MECR: variants seen among roughly 807,000 people sequenced by gnomAD.
MECR encodes enoyl-[acyl-carrier-protein] reductase, mitochondrial.
MECR carries 37 observed loss-of-function variants against 49.1 expected under a neutral mutation model. The ratio of observed to expected loss-of-function variants is 0.75; its 90% CI spans 0.58 to 0.99. The LOEUF (loss-of-function observed/expected upper bound fraction) is 0.99. Ranked by LOEUF, MECR falls within the 50% of genes least tolerant of loss-of-function variation. The probability of loss-of-function intolerance (pLI) is 0.00; values close to 1 mark genes in which losing one functional copy is unlikely to be tolerated. For missense variants in MECR, 470 were observed against 479.6 expected (o/e 0.98, Z 0.19); for synonymous variants, 198 against 191.1 (o/e 1.04, Z -0.30).
chr1:29,196,189 C>G lies in MECR; in HGVS notation c.891+9G>C. 1 of 1,614,152 alleles carries G rather than the reference C, an allele frequency of 6.2e-7. No individual in the cohort carries two copies. Among genetic ancestry groups the G allele is most frequent in the Non-Finnish European group, 8.5e-7 (1 of 1,180,000 alleles). On this transcript the variant is annotated intron_variant, in intron 8 of 9. Coordinates refer to ENST00000263702, the MANE Select transcript of MECR (RefSeq NM_016011.5). ...GCTCCAGGCATGCCTCCCTCTGCAC[C>G]CAGCTTACCACAGAGGCTACGACGG...
chr1:29,200,377 T>C, intron 7 of MECR, 139 bp downstream of exon 7: 1 of 697,326 alleles, frequency 1.4e-6, no homozygotes, highest in Non-Finnish European at 2.3e-6. Flanking sequence ...CTGGATGACT[T>C]TGGTCCTAGT....
chr1:29,194,388 T>C lies in MECR; in HGVS notation c.965-209A>G, dbSNP rs565470681. Among the ~76,000 whole-genome samples, 7 of 152,054 alleles carry C rather than the reference T, an allele frequency of 4.6e-5. No individual in the cohort carries two copies. The South Asian group carries it at 1.2e-3, about 27-fold the overall frequency. On this transcript the variant is annotated intron_variant, in intron 9 of 9. Transcript: ENST00000263702. ...AGGTCAAGGTGGGGAGAGGGGAACA[T>C]AGGAGCGGCTCTAGGGGCTGAGGGG...
At chr1:29,189,212 C>G (rs1246789917), downstream of MECR, among the ~76,000 whole-genome samples, 1 of 144,516 alleles carries the variant, frequency 6.9e-6, no homozygotes, top group Non-Finnish European at 1.5e-5. Flanking sequence ...GCTGGGATTA[C>G]AGGTGTGAGC....
rs778789649 is a variant in MECR, at chr1:29,216,166, C to A, written c.275-30G>T. On this transcript the variant is annotated intron_variant, in intron 2 of 9. Transcript: ENST00000263702. ...GGGAGAAGAGCATTAAAGGGTCAAC[C>A]AGTGATGTTTGGGCAGTGAAAGAGC... is the stretch of plus-strand genomic sequence containing the variant. The A allele has an allele frequency of 2.5e-6, 4 of 1,612,118 alleles. No individual in the cohort carries two copies. In the African/African-American group the frequency reaches 4.0e-5, roughly 16 times the overall value.
intron 7 of MECR, among the ~76,000 whole-genome samples, chr1:29,197,555 A>T (rs1674303635): frequency 6.6e-6 from 1 of 152,120 alleles, no homozygotes; most frequent in Admixed American, 6.6e-5. Context: ...CTCTTCTAGG[A>T]GTCTGTTGAT....
chr1:29,185,250 A>G, the MECR span, among the ~76,000 whole-genome samples: 7 of 152,058 alleles, frequency 4.6e-5, no homozygotes, highest in Non-Finnish European at 1.0e-4. Context: ...TTTAAATTTA[A>G]TTCAATTTTA....
intron 1 of MECR, among the ~76,000 whole-genome samples, chr1:29,227,124 C>A (rs940015060): frequency 6.6e-6 from 1 of 151,658 alleles, no homozygotes; most frequent in Non-Finnish European, 1.5e-5. Context: ...CCACTGTGCC[C>A]GACTAATTTT....
chr1:29,196,133 G>A (rs1243295423), intron 8 of MECR, 65 bp downstream of exon 8: 1 of 1,603,570 alleles, frequency 6.2e-7, no homozygotes, highest in Non-Finnish European at 8.5e-7. Context: ...GTCGTGCCAG[G>A]GGATGTGGCC....
At chr1:29,194,287 C>G in intron 9 of MECR, 108 bp from the exon 10 acceptor site, 1 of 1,231,248 alleles carries the variant, frequency 8.1e-7, no homozygotes, top group Non-Finnish European at 1.1e-6. Flanking sequence ...TCCAATAAAG[C>G]CTTGAGAGTC....
At chr1:29,192,165 A>G (rs1208246281), downstream of MECR, among the ~76,000 whole-genome samples, 2 of 151,742 alleles carry the variant, frequency 1.3e-5, no homozygotes, top group Non-Finnish European at 2.9e-5. Context: ...GTGCCTCCCT[A>G]GGGCTTCAGG....
At chr1:29,183,049 T>C in the MECR span, among the ~76,000 whole-genome samples, 2 of 152,194 alleles carry the variant, frequency 1.3e-5, no homozygotes, top group African/African-American at 2.4e-5. Flanking sequence ...TTGTTTTTGT[T>C]TTTTGAATAT....
the MECR span, chr1:29,170,499 T>C: frequency 6.6e-6 from 1 of 152,192 alleles, no homozygotes; most frequent in Non-Finnish European, 1.5e-5. Context: ...TCATCTTGGC[T>C]GTATGAGGCA....
At chr1:29,173,100 C>G in the MECR span, 2 of 150,116 alleles carry the variant, frequency 1.3e-5, no homozygotes, top group South Asian at 4.2e-4. Flanking sequence ...TACAATTAAC[C>G]TACATTTATT....
chr1:29,228,772 C>T (rs1682750160), intron 1 of MECR: 1 of 152,158 alleles, frequency 6.6e-6, no homozygotes, highest in Non-Finnish European at 1.5e-5. Context: ...GAGGCAACTG[C>T]ATTCAGCTGA....
At chr1:29,196,292 A>C (rs771839537) in intron 7 of MECR, 34 bp from the exon 8 acceptor site, 15 of 1,587,170 alleles carry the variant, frequency 9.5e-6, no homozygotes, top group Non-Finnish European at 1.1e-5. Flanking sequence ...GAGTGGATGC[A>C]AGGCAGAGAC....
chr1:29,182,034 G>C, the MECR span: 1 of 304,018 alleles, frequency 3.3e-6, no homozygotes, highest in Non-Finnish European at 5.9e-6. Context: ...ACGTGCGGCG[G>C]GGCAAGGTGA....
chr1:29,195,095 AAC>A (rs778045062), intron 9 of MECR, among the ~76,000 whole-genome samples: 3 of 152,138 alleles, frequency 2.0e-5, no homozygotes, highest in East Asian at 1.9e-4. Context: ...CAGCCAGGGC[AAC>A]AGAGCGATAC....
the MECR span, among the ~76,000 whole-genome samples, chr1:29,179,935 C>CA: frequency 1.3e-5 from 2 of 152,216 alleles, no homozygotes; most frequent in African/African-American, 4.8e-5. Context: ...ACAGTCTTGT[C>CA]ATTTCCTGCA....
At position 29,193,903 on chromosome 1, in the gene MECR, A is replaced by G. The variant is rs1470467510; in HGVS notation, c.*119T>C. On this transcript the variant is annotated 3_prime_UTR_variant, in exon 10 of 10. Coordinates refer to ENST00000263702, the MANE Select transcript of MECR (RefSeq NM_016011.5). ...TGGCTGGCTTCACCATCCTCCTAATAGGAAGAGGCAGTGAGGAGAACAGTA... is the reference window on the plus strand; with the variant it reads ...TGGCTGGCTTCACCATCCTCCTAATGGGAAGAGGCAGTGAGGAGAACAGTA... The G allele has an allele frequency of 3.2e-6, 4 of 1,240,562 alleles. No homozygotes were observed. Among genetic ancestry groups the G allele is most frequent in the Non-Finnish European group, 4.5e-6 (4 of 888,970 alleles). 76.8% of individuals were successfully genotyped at this position (1,240,562 alleles called of 1,614,324 possible). A position where few individuals can be genotyped will look rare whatever the true frequency, so the allele number is the denominator to read the frequency against.
Sources: gnomAD v4.1 joint callset for allele counts (sites outside exome capture counted in the v4.1 genomes callset) on GRCh38, gnomAD v4.1.1 for gene constraint, MANE v1.5 for transcripts, NCBI Gene and HGNC (gene_info 2026-07-23, HGNC 2026-07-21) for gene names.